ARAP2: variants seen among roughly 807,000 people sequenced by gnomAD.
ARAP2 encodes the protein arf-GAP with Rho-GAP domain, ANK repeat and PH domain-containing protein 2.
A neutral mutation model predicts 194.5 loss-of-function variants in ARAP2; 148 were observed. That is an observed-to-expected ratio of 0.76 (90% CI 0.67 to 0.87). The LOEUF (loss-of-function observed/expected upper bound fraction) is 0.87. ARAP2 is among the 40% of genes least tolerant of loss of function. ARAP2 has a pLI of 0.00. For missense variants in ARAP2, 2,128 were observed against 1,989.7 expected, an observed-to-expected ratio of 1.07 and a Z score of -1.32; for synonymous variants, 695 against 683.5, an observed-to-expected ratio of 1.02 and a Z score of -0.26.
chr4:36,018,010 T>G (rs1205864599), intron 6 of ARAP2, among the ~76,000 whole-genome samples: 23 of 152,172 alleles, frequency 1.5e-4, no homozygotes. Context: ...ACATAAATTG[T>G]GTTGAATGTA....
At chr4:36,141,311 T>C (rs1462586027) in intron 19 of ARAP2, among the ~76,000 whole-genome samples, 1 of 151,534 alleles carries the variant, frequency 6.6e-6, no homozygotes, top group East Asian at 1.9e-4. Flanking sequence ...CAACATCAAA[T>C]AGCATGCCAG....
chr4:36,123,377 T>G (rs1470643763), intron 22 of ARAP2, among the ~76,000 whole-genome samples: 4 of 151,810 alleles, frequency 2.6e-5, no homozygotes, highest in Non-Finnish European at 5.9e-5. Flanking sequence ...CTTCTCAATC[T>G]TTTAAGGACA....
intron 6 of ARAP2, among the ~76,000 whole-genome samples, chr4:36,204,034 A>G (rs1745009851): frequency 6.6e-6 from 1 of 152,240 alleles, no homozygotes; most frequent in Admixed American, 6.5e-5. Flanking sequence ...TATAACAACA[A>G]CAACAAAAAA....
At position 36,228,979 on chromosome 4, in the gene ARAP2, A is replaced by C; in HGVS notation, c.508T>G (p.Leu170Val). Reference sequence around the variant, plus strand: ...ATTTTAATATTGTCACTACCAAATAAAGAATCATTCAAAGAACCCAAATTC... The same window carrying C: ...ATTTTAATATTGTCACTACCAAATACAGAATCATTCAAAGAACCCAAATTC... ...HLNLGSLNDSLFGSDNIKIES... is the reference protein window; with the variant it reads ...HLNLGSLNDSVFGSDNIKIES... The change falls in exon 2 of 33, where the codon TTA becomes GTA. Residue 170 changes from leucine (L) to valine (V), a missense_variant. Coordinates refer to ENST00000303965, the MANE Select transcript of ARAP2 (RefSeq NM_015230.4). 3 of 1,614,088 alleles carry C rather than the reference A, an allele frequency of 1.9e-6. No homozygotes were observed. Among genetic ancestry groups the C allele is most frequent in the Non-Finnish European group, 2.5e-6 (3 of 1,180,004 alleles).
intron 2 of ARAP2, among the ~76,000 whole-genome samples, chr4:36,054,252 CAA>C (rs1723139470): frequency 6.6e-6 from 1 of 152,128 alleles, no homozygotes; most frequent in African/African-American, 2.4e-5. Flanking sequence ...TTTATACCCC[CAA>C]AGTTTTCTCT....
intron 27 of ARAP2, among the ~76,000 whole-genome samples, chr4:36,094,359 T>C (rs952071384): frequency 2.6e-5 from 4 of 152,184 alleles, no homozygotes; most frequent in African/African-American, 9.6e-5. Flanking sequence ...AGAGACCTTA[T>C]GGCTTACAAA....
chr4:36,160,303 A>G (rs1319033417), intron 13 of ARAP2, 156 bp downstream of exon 13: 1 of 1,237,146 alleles, frequency 8.1e-7, no homozygotes, highest in Non-Finnish European at 1.0e-6. Flanking sequence ...TAAATGAAAC[A>G]AGGGGGAAAC....
rs1253420781 is a variant in ARAP2, at chr4:36,159,342, T to C, written c.2606A>G (p.Asn869Ser). 4.4e-6 allele frequency: 7 copies of C among 1,600,202 alleles called. No individual in the cohort carries two copies. The highest frequency in any genetic ancestry group is 6.0e-6 in the Non-Finnish European group (7 of 1,171,740). The change falls in exon 14 of 33, where the codon AAC becomes AGC. Residue 869 changes from asparagine (N) to serine (S), a missense_variant. Asn to Ser is a conservative substitution (Grantham distance 46). Coordinates refer to ENST00000303965, the MANE Select transcript of ARAP2 (RefSeq NM_015230.4). Reference protein sequence around the residue: ...QSLQMEFLYHNKFSDFPQHDI... With the variant: ...QSLQMEFLYHSKFSDFPQHDI... ...AGACAGTGACGAACCTGAGAATTTG[T>C]TATGGTAGAGAAATTCCATTTGCAG...
At chr4:36,244,038 G>C (rs185899857) in intron 1 of ARAP2, 141 bp downstream of exon 1, 60 of 152,366 alleles carry the variant, frequency 3.9e-4, no homozygotes, top group African/African-American at 1.4e-3. Flanking sequence ...AAATCCAAGG[G>C]GCGGACACCA....
At chr4:36,182,596 G>C (rs558451325) in intron 8 of ARAP2, among the ~76,000 whole-genome samples, 1 of 152,256 alleles carries the variant, frequency 6.6e-6, no homozygotes, top group Non-Finnish European at 1.5e-5. Context: ...TTAAATAACT[G>C]CTCTGACAAG....
At chr4:36,012,005 A>G (rs1433103322) in intron 9 of ARAP2, among the ~76,000 whole-genome samples, 1 of 152,200 alleles carries the variant, frequency 6.6e-6, no homozygotes, top group Non-Finnish European at 1.5e-5. Context: ...TAAAATATCT[A>G]AAGCATTGTG....
intron 3 of ARAP2, among the ~76,000 whole-genome samples, chr4:36,050,455 C>T (rs1006368815): frequency 1.3e-5 from 2 of 152,142 alleles, no homozygotes; most frequent in Admixed American, 6.5e-5. Context: ...TATTACACTG[C>T]AAAGCATGTC....
intron 2 of ARAP2, among the ~76,000 whole-genome samples, chr4:36,226,420 CT>C (rs1297911723): frequency 1.3e-5 from 2 of 152,128 alleles, no homozygotes; most frequent in Non-Finnish European, 2.9e-5. Context: ...TGAAATTCCC[CT>C]GAAAGAAATT....
At chr4:36,049,994 A>G (rs1722406501) in intron 3 of ARAP2, among the ~76,000 whole-genome samples, 1 of 152,146 alleles carries the variant, frequency 6.6e-6, no homozygotes, top group East Asian at 1.9e-4. Flanking sequence ...TTACTTATTG[A>G]TGTATTTGTT....
chr4:36,065,393 T>C, downstream of ARAP2: 1 of 522,700 alleles, frequency 1.9e-6, no homozygotes, highest in Non-Finnish European at 3.9e-6. Context: ...GCCCCAGGAA[T>C]GGCTTCTCAC....
rs1733410305 is a variant in ARAP2, at chr4:36,159,503, A to G, written c.2445T>C (p.Ala815=). 6.6e-7 allele frequency: 1 copy of G among 1,524,038 alleles called. No homozygotes were observed. The highest frequency in any genetic ancestry group is 8.9e-7 in the Non-Finnish European group (1 of 1,129,730). 94.4% of individuals were successfully genotyped at this position (1,524,038 alleles called of 1,614,324 possible). The change falls in exon 14 of 33, where the codon GCT becomes GCC. Residue 815 remains alanine, a splice_region_variant and synonymous_variant. Coordinates refer to ENST00000303965, the MANE Select transcript of ARAP2 (RefSeq NM_015230.4). ...CCGGTTTCACTACAGCAGCACATAG[A>G]GCCTGGTCATTAAAAGAAAATATAC... The part of the protein sequence containing the change: ...ASLTKEELNK[A]LCAAVVKPDV...
chr4:36,101,846 T>C (rs993199495), intron 27 of ARAP2, among the ~76,000 whole-genome samples: 6 of 152,038 alleles, frequency 3.9e-5, no homozygotes, highest in African/African-American at 1.4e-4. Context: ...GTAATAGTCA[T>C]GATTACCATG....
At chr4:36,128,821 A>G in intron 20 of ARAP2, 76 bp from the exon 21 acceptor site, 1 of 1,190,496 alleles carries the variant, frequency 8.4e-7, no homozygotes, top group Non-Finnish European at 1.2e-6. Flanking sequence ...AAACAAAACA[A>G]ATGTTTGTGT....
At chr4:36,143,775 T>C (rs1389099864) in intron 19 of ARAP2, among the ~76,000 whole-genome samples, 1 of 151,836 alleles carries the variant, frequency 6.6e-6, no homozygotes, top group African/African-American at 2.4e-5. Flanking sequence ...TTTCTCCCAC[T>C]CCTATTATTA....
Sources: allele counts gnomAD v4.1 joint callset (sites outside exome capture counted in the v4.1 genomes callset), GRCh38; gene constraint gnomAD v4.1.1; transcripts MANE v1.5; gene names NCBI Gene and HGNC (gene_info 2026-07-23, HGNC 2026-07-21).